The following L3MBTL4 variants were observed in gnomAD, a reference collection of about 807,000 sequenced individuals.
L3MBTL4 encodes L3MBTL histone methyl-lysine binding protein 4.
Under a neutral mutation model 84.5 loss-of-function variants are expected in L3MBTL4, and 70 were observed. The observed-to-expected ratio is 0.83, with a 90% CI of 0.68 to 1.01. The LOEUF is 1.01. Ranked by LOEUF, L3MBTL4 falls within the 50% of genes least tolerant of loss-of-function variation. The probability of loss-of-function intolerance (pLI) is 0.00; values close to 1 mark genes in which losing one functional copy is unlikely to be tolerated. For missense variants in L3MBTL4, 715 were observed against 754.8 expected (o/e 0.95, Z 0.62); for synonymous variants, 274 against 259.8 (o/e 1.05, Z -0.52).
At chr18:6,258,499 G>C (rs913247370) in intron 5 of L3MBTL4, among the ~76,000 whole-genome samples, 11 of 152,304 alleles carry the variant, frequency 7.2e-5, no homozygotes, top group African/African-American at 2.6e-4. Context: ...AGGGAACTGG[G>C]CTGAGCTGGC....
chr18:6,009,723 G>A (rs2155577), intron 16 of L3MBTL4, among the ~76,000 whole-genome samples: 94,502 of 152,024 alleles, frequency 0.62, 31,545 homozygotes, highest in Non-Finnish European at 0.77. Context: ...ATTGTTGTAT[G>A]TTACTTTTAT....
At chr18:6,199,143 T>A (rs1268095380) in intron 12 of L3MBTL4, among the ~76,000 whole-genome samples, 1 of 152,140 alleles carries the variant, frequency 6.6e-6, no homozygotes, top group African/African-American at 2.4e-5. Flanking sequence ...AGAAGACAAA[T>A]GAATAAACTA....
rs150196087 is a variant in L3MBTL4 at position 6,180,784 on chromosome 18, T to G, written c.982-8842A>C. 7.9e-5 allele frequency among the ~76,000 whole-genome samples: 12 copies of G among 152,346 alleles called. No individual in the cohort carries two copies. The East Asian group carries it at 1.5e-3, about 20-fold the overall frequency. On this transcript the variant is annotated intron_variant, in intron 12 of 18. Transcript: ENST00000317931. Reference sequence around the variant, plus strand: ...GAATGAAGGTCAAAATCTGTATTTTTTAACCACAAACCCTAGATTATTTGC... The same window carrying G: ...GAATGAAGGTCAAAATCTGTATTTTGTAACCACAAACCCTAGATTATTTGC...
intron 16 of L3MBTL4, among the ~76,000 whole-genome samples, chr18:6,004,270 AAC>A (rs1189440988): frequency 6.6e-6 from 1 of 152,174 alleles, no homozygotes; most frequent in Non-Finnish European, 1.5e-5. Context: ...CAAGTTGGAT[AAC>A]ACAGATGATA....
chr18:6,214,695 G>A (rs551169610), intron 11 of L3MBTL4, among the ~76,000 whole-genome samples: 35 of 152,178 alleles, frequency 2.3e-4, no homozygotes, highest in African/African-American at 4.1e-4. Context: ...CTTTCATCCC[G>A]GAGAATCTTT....
chr18:6,240,630 T>C (rs2047412222), intron 8 of L3MBTL4, among the ~76,000 whole-genome samples: 1 of 152,188 alleles, frequency 6.6e-6, no homozygotes, highest in African/African-American at 2.4e-5. Context: ...CTACTTCTCT[T>C]TCATCAAACC....
chr18:6,101,543 G>A (rs2058828868), intron 14 of L3MBTL4, among the ~76,000 whole-genome samples: 1 of 152,150 alleles, frequency 6.6e-6, no homozygotes, highest in African/African-American at 2.4e-5. Context: ...ACGAAGGACT[G>A]TGGTAACAAA....
At chr18:6,293,885 G>A (rs2049977023) in intron 4 of L3MBTL4, among the ~76,000 whole-genome samples, 1 of 152,184 alleles carries the variant, frequency 6.6e-6, no homozygotes. Context: ...AAAGGCTGAG[G>A]AACTGTTCCA....
chr18:6,150,012 C>A (rs1035344561), intron 13 of L3MBTL4, among the ~76,000 whole-genome samples: 3 of 152,150 alleles, frequency 2.0e-5, no homozygotes, highest in African/African-American at 7.2e-5. Flanking sequence ...AGGTCAAAAG[C>A]TATAAGCATA....
chr18:6,271,713 C>A (rs959565713), intron 4 of L3MBTL4, among the ~76,000 whole-genome samples: 4 of 152,124 alleles, frequency 2.6e-5, no homozygotes, highest in African/African-American at 7.2e-5. Flanking sequence ...TCAGGGGAGG[C>A]GCTTCCTCGC....
intron 4 of L3MBTL4, among the ~76,000 whole-genome samples, chr18:6,280,212 T>A (rs1177216333): frequency 1.3e-5 from 2 of 152,182 alleles, no homozygotes; most frequent in Non-Finnish European, 2.9e-5. Flanking sequence ...GAAAGTTAAA[T>A]TAGCACTGTT....
At chr18:6,183,391 G>A (rs1164921458) in intron 12 of L3MBTL4, among the ~76,000 whole-genome samples, 2 of 152,164 alleles carry the variant, frequency 1.3e-5, no homozygotes, top group East Asian at 1.9e-4. Flanking sequence ...CTGGACCACC[G>A]TGGCCGACGC....
In L3MBTL4 at chr18:6,345,685, C is replaced by T. The variant is rs1392901436; in HGVS notation, c.-90-33629G>A. On this transcript the variant is annotated intron_variant, in intron 1 of 18. Transcript: ENST00000317931. ...AAAGATATTAAAGTAGACACAAATACAGAGAAACATACTCCCTTTTCACAG... is the reference window on the plus strand; with the variant it reads ...AAAGATATTAAAGTAGACACAAATATAGAGAAACATACTCCCTTTTCACAG... Among the ~76,000 whole-genome samples the T allele has an allele frequency of 1.2e-4, 18 of 152,022 alleles. 1 individual carries two copies. The highest frequency in any genetic ancestry group is 1.0e-3 in the Admixed American group (16 of 15,256).
At chr18:6,332,346 G>A (rs17502090) in intron 1 of L3MBTL4, among the ~76,000 whole-genome samples, 5,064 of 150,090 alleles carry the variant, frequency 0.034, 101 homozygotes, top group East Asian at 0.082. Context: ...AATACAATGC[G>A]TTAAGAAGAA....
intron 16 of L3MBTL4, among the ~76,000 whole-genome samples, chr18:6,043,279 C>T (rs1045780558): frequency 1.3e-5 from 2 of 152,060 alleles, no homozygotes; most frequent in African/African-American, 4.8e-5. Flanking sequence ...GATGCCTCAC[C>T]ACTGTATTCA....
At chr18:6,070,585 A>T (rs1336482720) in intron 16 of L3MBTL4, among the ~76,000 whole-genome samples, 1 of 151,942 alleles carries the variant, frequency 6.6e-6, no homozygotes, top group African/African-American at 2.4e-5. Context: ...GGGAGGTCAA[A>T]GTGGGCAGAT....
At chr18:6,102,684 T>G (rs1028089902) in intron 14 of L3MBTL4, among the ~76,000 whole-genome samples, 10 of 152,198 alleles carry the variant, frequency 6.6e-5, no homozygotes, top group Non-Finnish European at 1.5e-4. Context: ...GGCAAGAAGA[T>G]GAACTCTGCA....
chr18:6,117,206 G>A (rs1202683920), intron 14 of L3MBTL4, among the ~76,000 whole-genome samples: 4 of 152,194 alleles, frequency 2.6e-5, no homozygotes, highest in Non-Finnish European at 2.9e-5. Flanking sequence ...TTTATAGACA[G>A]GTGACTGACA....
intron 15 of L3MBTL4, among the ~76,000 whole-genome samples, chr18:6,086,456 A>T: frequency 6.6e-6 from 1 of 152,214 alleles, no homozygotes; most frequent in Non-Finnish European, 1.5e-5. Flanking sequence ...GGGTTATTTC[A>T]TAACGTTTCA....
Sources: allele counts gnomAD v4.1 joint callset (sites outside exome capture counted in the v4.1 genomes callset), GRCh38; gene constraint gnomAD v4.1.1; transcripts MANE v1.5; gene names NCBI Gene and HGNC (gene_info 2026-07-23, HGNC 2026-07-21).